Variants in NBEAL2 observed in about 807,000 individuals in gnomAD.
NBEAL2 encodes neurobeachin-like protein 2.
NBEAL2 carries 160 observed loss-of-function variants against 299.8 expected under a neutral mutation model. The observed-to-expected ratio is 0.53, with a 90% confidence interval of 0.47 to 0.61. The LOEUF (loss-of-function observed/expected upper bound fraction) is 0.61, where lower values mean the gene tolerates loss of function less well. Ranked by LOEUF, NBEAL2 falls within the 20% of genes least tolerant of loss-of-function variation. The probability of loss-of-function intolerance (pLI) is 0.00; values close to 1 mark genes in which losing one functional copy is unlikely to be tolerated. For missense variants in NBEAL2, 3,112 were observed against 3,649.0 expected, an observed-to-expected ratio of 0.85 and a Z score of 3.79; for synonymous variants, 1,493 against 1,542.3, an observed-to-expected ratio of 0.97 and a Z score of 0.75.
chr3:46,989,718 A>C lies in NBEAL2; in HGVS notation c.556+125A>C. ...GCTGCATGCAGGACTGGGAGAACCA[A>C]AGACCAAGCAAGAGTTTAGGGACAG... On this transcript the variant is annotated intron_variant, in intron 6 of 53. Coordinates refer to ENST00000450053, the MANE Select transcript of NBEAL2 (RefSeq NM_015175.3). The surrounding 1 kb of genome is among the most constrained non-coding windows in gnomAD (Gnocchi z 5.5). 1 of 843,228 alleles carries C rather than the reference A, an allele frequency of 1.2e-6. No homozygotes were observed. Among genetic ancestry groups the C allele is most frequent in the Non-Finnish European group, 1.9e-6 (1 of 514,486 alleles). The allele number at this position is 843,228 out of a possible 1,614,324, so 52.2% of individuals were successfully genotyped here. A position where few individuals can be genotyped will look rare whatever the true frequency, so the allele number is the denominator to read the frequency against.
intron 33 of NBEAL2, 44 bp downstream of exon 33, chr3:47,002,846 T>TTG: frequency 4.3e-6 from 2 of 466,112 alleles, no homozygotes; most frequent in East Asian, 6.0e-5. Context: ...GGGTGGGGCT[T>TTG]GGGAGGGAGG....
chr3:47,009,408 T>G lies in NBEAL2; in HGVS notation c.*88T>G. ...AGAAGTCGGCGGGAACACCCCGGGG[T>G]GGGCAGCCCAGGGGGGTGAGCGGGG... On this transcript the variant is annotated 3_prime_UTR_variant, in exon 54 of 54. Coordinates refer to ENST00000450053, the MANE Select transcript of NBEAL2 (RefSeq NM_015175.3). 7.2e-6 allele frequency: 9 copies of G among 1,256,866 alleles called. No homozygotes were observed. The highest frequency in any genetic ancestry group is 8.8e-6 in the Non-Finnish European group (8 of 905,094). 77.9% of individuals were successfully genotyped at this position (1,256,866 alleles called of 1,614,324 possible).
chr3:47,005,712 A>G (rs755797296), intron 41 of NBEAL2, 26 bp from the exon 42 acceptor site: 9 of 1,612,756 alleles, frequency 5.6e-6, no homozygotes, highest in African/African-American at 1.3e-5. Context: ...GGACAGGGAG[A>G]CAGCTGACCC....
chr3:46,998,933 C>G (rs2036730778), intron 23 of NBEAL2, 26 bp from the exon 24 acceptor site: 2 of 1,603,164 alleles, frequency 1.2e-6, no homozygotes, highest in Admixed American at 3.4e-5. Context: ...GGGGGCCCGA[C>G]ACAGTGTGAG....
At chr3:46,997,518 C>T (rs752015721) in intron 19 of NBEAL2, 43 bp from the exon 20 acceptor site, 1 of 1,584,048 alleles carries the variant, frequency 6.3e-7, no homozygotes. Context: ...TGGCCACTGG[C>T]AGGCCCTTGA....
rs1057075752 is a variant in NBEAL2 at position 47,008,576 on chromosome 3, C to T, written c.7935C>T (p.Pro2645=). The change falls in exon 52 of 54, where the codon CCC becomes CCT. Residue 2645 remains proline, a synonymous_variant. Coordinates refer to ENST00000450053, the MANE Select transcript of NBEAL2 (RefSeq NM_015175.3). ...SVNGKLRASL[P]LAEQPTALTV... is the part of the protein sequence containing the mutation. ...ATGGGAAGTTGCGGGCTTCACTGCC[C>T]CTGGCAGAGCAGCCTACAGCCCTGA... 6.2e-7 allele frequency: 1 copy of T among 1,613,566 alleles called. No individual in the cohort carries two copies. The highest frequency in any genetic ancestry group is 1.3e-5 in the African/African-American group (1 of 74,938).
rs998073967 is a variant in NBEAL2, at chr3:46,991,757, G to A, written c.925+69G>A. ...GGAAAAGCCTAAGTGATGATGGAAG[G>A]TCTGGATAGGGCAGCATAGGAAGGA... On this transcript the variant is annotated intron_variant, in intron 8 of 53. Coordinates refer to ENST00000450053, the MANE Select transcript of NBEAL2 (RefSeq NM_015175.3). The surrounding 1 kb of genome is among the most constrained non-coding windows in gnomAD (Gnocchi z 6.2). 3.2e-6 allele frequency: 5 copies of A among 1,564,424 alleles called. No individual in the cohort carries two copies. Among genetic ancestry groups the A allele is most frequent in the Non-Finnish European group, 4.3e-6 (5 of 1,154,682 alleles).
At chr3:46,997,749 C>A in intron 20 of NBEAL2, 55 bp downstream of exon 20, 1 of 1,433,454 alleles carries the variant, frequency 7.0e-7, no homozygotes, top group African/African-American at 1.4e-5. Context: ...CCTGTCTGAC[C>A]GAGGGGACTG....
In NBEAL2 at chr3:46,997,357, G is replaced by T. The variant is rs199656094; in HGVS notation, c.2748G>T (p.Thr916=). The change falls in exon 19 of 54, where the codon ACG becomes ACT. Residue 916 remains threonine (T), a synonymous_variant. Coordinates refer to ENST00000450053, the MANE Select transcript of NBEAL2 (RefSeq NM_015175.3). ...AGGCTGAAGCAGGTCCAGCTGAAAC[G>T]CATGACCTCGTGGGTCCTGAACTGA... The part of the protein sequence containing the change: ...PKEAEAGPAE[T]HDLVGPELTS... 6.2e-7 allele frequency: 1 copy of T among 1,612,376 alleles called. No homozygotes were observed. The highest frequency in any genetic ancestry group is 2.2e-5 in the East Asian group (1 of 44,876).
Position 46,988,966 on chromosome 3 carries a change from T to G in NBEAL2, c.265T>G (p.Cys89Gly). Reference sequence around the variant, plus strand: ...GCTGCTCAAGCTCTTCATCATTCTCTGCAGGTGTCTCTGTTGTCCACTCTA... The same window carrying G: ...GCTGCTCAAGCTCTTCATCATTCTCGGCAGGTGTCTCTGTTGTCCACTCTA... ...LLLLKLFIIL[C>G]RNLENIEAGR... Residue 89 changes from cysteine (C) to glycine (G), a missense_variant, in exon 3 of 54, where the codon TGC (cysteine) becomes GGC (glycine). Physicochemically the swap from Cys to Gly is radical, Grantham distance 159. Coordinates refer to ENST00000450053, the MANE Select transcript of NBEAL2 (RefSeq NM_015175.3). The surrounding 1 kb of genome is among the most constrained non-coding windows in gnomAD (Gnocchi z 4.4). 1 of 1,612,846 alleles carries G rather than the reference T, an allele frequency of 6.2e-7. No individual in the cohort carries two copies.
At position 46,996,574 on chromosome 3, in the gene NBEAL2, A is replaced by G; in HGVS notation, c.2455A>G (p.Arg819Gly). 1 of 1,534,762 alleles carries G rather than the reference A, an allele frequency of 6.5e-7. No individual in the cohort carries two copies. The highest frequency in any genetic ancestry group is 8.8e-7 in the Non-Finnish European group (1 of 1,138,300). ...FHEALQATAL[R>G]TLCTLGPNET... is the part of the protein sequence containing the mutation. ...CGAAGCCCTGCAGGCGACGGCTCTG[A>G]GGACCCTGTGCACCCTGGGTATGCA... The change falls in exon 16 of 54, where the codon AGG becomes GGG. Residue 819 changes from arginine to glycine, a missense_variant. Arg to Gly is a moderately radical substitution (Grantham distance 125, BLOSUM62 -2). Coordinates refer to ENST00000450053, the MANE Select transcript of NBEAL2 (RefSeq NM_015175.3).
At position 46,989,459 on chromosome 3, in the gene NBEAL2, C is replaced by CGGCCAGGAGTGGTGAG. The variant is rs2035924456; in HGVS notation, c.474-51_474-36dup. On this transcript the variant is annotated intron_variant, in intron 5 of 53. Coordinates refer to ENST00000450053, the MANE Select transcript of NBEAL2 (RefSeq NM_015175.3). This position sits in a 1 kb window ranked among gnomAD's most constrained non-coding sequence, Gnocchi z 5.5. ...CCGCGCTGGGCCCAAGGAGGGGTGA[C>CGGCCAGGAGTGGTGAG]GGCCAGGAGTGGTGAGAGCCGGGCT... 6.4e-7 allele frequency: 1 copy of CGGCCAGGAGTGGTGAG among 1,565,242 alleles called. No homozygotes were observed. Among genetic ancestry groups the CGGCCAGGAGTGGTGAG allele is most frequent in the African/African-American group, 1.4e-5 (1 of 73,518 alleles).
Position 47,008,146 on chromosome 3 carries a change from C to G in NBEAL2, c.7679C>G (p.Ala2560Gly). The G allele has an allele frequency of 1.2e-6, 2 of 1,613,990 alleles. No homozygotes were observed. Among genetic ancestry groups the G allele is most frequent in the South Asian group, 2.2e-5 (2 of 91,076 alleles). Reference sequence around the variant, plus strand: ...CATGGGGCTGCAGTGAGCTGTGTGGCCATCAGCACTGAACTTGACATGGCT... The same window carrying G: ...CATGGGGCTGCAGTGAGCTGTGTGGGCATCAGCACTGAACTTGACATGGCT... ...YGHGAAVSCV[A>G]ISTELDMAVS... is the part of the protein sequence containing the mutation. Residue 2560 changes from alanine (A) to glycine (G), a missense_variant, in exon 50 of 54, where the codon GCC (alanine) becomes GGC (glycine). By Grantham distance (60) the Ala-to-Gly change is moderately conservative. Around this residue, in one of 3 missense-constraint regions of NBEAL2, gnomAD observed 348 missense variants for 381.4 expected, o/e 0.91. Transcript: ENST00000450053.
chr3:46,995,003 C>G (rs2036376519), intron 12 of NBEAL2, 29 bp from the exon 13 acceptor site: 1 of 1,515,040 alleles, frequency 6.6e-7, no homozygotes, highest in African/African-American at 1.4e-5. Context: ...CCACAGCTGA[C>G]CAGGGACTGT....
rs748479283 is a variant in NBEAL2 at position 47,005,174 on chromosome 3, GC to G, written c.6420-3del. On this transcript the variant is annotated splice_polypyrimidine_tract_variant and splice_region_variant and intron_variant, in intron 39 of 53. Coordinates refer to ENST00000450053, the MANE Select transcript of NBEAL2 (RefSeq NM_015175.3). Reference sequence around the variant, plus strand: ...GCTTCTGCTGACACGTCCAACTGTGGCCCCAGGTATGAAAGCTTTGAGGACC... The same window carrying G: ...GCTTCTGCTGACACGTCCAACTGTGGCCCAGGTATGAAAGCTTTGAGGACC... 59 of 1,613,842 alleles carry G rather than the reference GC, an allele frequency of 3.7e-5. No homozygotes were observed. In the East Asian group the frequency reaches 1.1e-3, roughly 29 times the overall value.
rs1274551202 is a variant in NBEAL2 at position 46,988,470 on chromosome 3, T to G, written c.52-199T>G. ...GGTCAGTATGTACCTAACTCTCTGA[T>G]GCTGACCTTCCAATGTCCTGCCCTC... is the stretch of plus-strand genomic sequence containing the variant. On this transcript the variant is annotated intron_variant, in intron 1 of 53. Coordinates refer to ENST00000450053, the MANE Select transcript of NBEAL2 (RefSeq NM_015175.3). The surrounding 1 kb of genome is among the most constrained non-coding windows in gnomAD (Gnocchi z 4.4). Among the ~76,000 whole-genome samples the G allele has an allele frequency of 2.0e-5, 3 of 152,084 alleles. No homozygotes were observed. Among genetic ancestry groups the G allele is most frequent in the Non-Finnish European group, 4.4e-5 (3 of 67,978 alleles).
intron 1 of NBEAL2, among the ~76,000 whole-genome samples, chr3:46,981,467 T>G (rs1401853556): frequency 1.3e-5 from 2 of 152,038 alleles, no homozygotes; most frequent in East Asian, 1.9e-4. Context: ...AATAAAAAAC[T>G]GACACAGCCC....
Position 47,006,452 on chromosome 3 carries a change from G to C in NBEAL2, c.7134+3G>C. The C allele has an allele frequency of 6.4e-7, 1 of 1,568,964 alleles. No individual in the cohort carries two copies. Among genetic ancestry groups the C allele is most frequent in the Non-Finnish European group, 8.6e-7 (1 of 1,156,354 alleles). ...AACTCAAGGCATTCTTCGCAGAGGT[G>C]AAAGGAAGACAAGACCTCAACTTTA... On this transcript the variant is annotated splice_donor_region_variant and intron_variant, in intron 45 of 53. Transcript: ENST00000450053.
intron 20 of NBEAL2, 57 bp from the exon 21 acceptor site, chr3:46,998,010 C>A: frequency 2.0e-6 from 3 of 1,503,136 alleles, no homozygotes; most frequent in Non-Finnish European, 2.7e-6. Context: ...AGCTGAAAAG[C>A]TCAGACAGCA....
Sources: allele counts gnomAD v4.1 joint callset (sites outside exome capture counted in the v4.1 genomes callset), GRCh38; gene constraint gnomAD v4.1.1; regional missense constraint gnomAD v4.1.1; non-coding constraint Gnocchi (gnomAD v3.1); transcripts MANE v1.5; gene names NCBI Gene and HGNC (gene_info 2026-07-23, HGNC 2026-07-21).